Variants in CTNNA3 observed in about 807,000 individuals in gnomAD.
The protein encoded by CTNNA3 is catenin alpha-3.
In CTNNA3, 76 loss-of-function variants were observed where a neutral mutation model predicts 95.7. That is an observed-to-expected ratio of 0.79 (90% CI 0.66 to 0.96). The LOEUF (loss-of-function observed/expected upper bound fraction) is 0.96, where lower values mean the gene tolerates loss of function less well. Among genes scored for constraint, CTNNA3 ranks in the 40% least tolerant of loss-of-function variants. The pLI is 0.00. For missense variants in CTNNA3, 1,191 were observed against 1,089.8 expected, an observed-to-expected ratio of 1.09 and a Z score of -1.31; for synonymous variants, 431 against 374.4, an observed-to-expected ratio of 1.15 and a Z score of -1.74.
At chr10:67,601,781 T>C (rs1843091274) in intron 3 of CTNNA3, among the ~76,000 whole-genome samples, 2 of 152,180 alleles carry the variant, frequency 1.3e-5, no homozygotes, top group Admixed American at 1.3e-4. Flanking sequence ...TGAGTAACTA[T>C]AAGTATTACT....
intron 17 of CTNNA3, among the ~76,000 whole-genome samples, chr10:65,927,422 A>T (rs1625559): frequency 0.8 from 121,473 of 152,180 alleles, 48,694 homozygotes; most frequent in Middle Eastern, 0.87. Flanking sequence ...TCTATTTATG[A>T]CAACTGGTTT....
At chr10:66,949,946 GTCACT>G (rs1848452792) in intron 7 of CTNNA3, among the ~76,000 whole-genome samples, 1 of 152,144 alleles carries the variant, frequency 6.6e-6, no homozygotes, top group African/African-American at 2.4e-5. Context: ...TAGAAAACTT[GTCACT>G]TCACAGCTCA....
chr10:67,074,077 C>T (rs530602269), intron 7 of CTNNA3, among the ~76,000 whole-genome samples: 1,629 of 134,062 alleles, frequency 0.012, 39 homozygotes, highest in African/African-American at 0.043. Context: ...GGCTCTGTCT[C>T]CAGGCTGGAG....
intron 5 of CTNNA3, among the ~76,000 whole-genome samples, chr10:67,423,134 C>A (rs979027872): frequency 3.3e-5 from 5 of 152,080 alleles, no homozygotes; most frequent in African/African-American, 1.2e-4. Flanking sequence ...GGTAGACATC[C>A]GTTGTTTTAC....
At chr10:67,273,469 A>G (rs959275657) in intron 5 of CTNNA3, among the ~76,000 whole-genome samples, 2 of 152,170 alleles carry the variant, frequency 1.3e-5, no homozygotes, top group African/African-American at 2.4e-5. Context: ...ACTCTTATAC[A>G]TTAGTCAGTC....
At chr10:67,232,884 TA>T (rs1444174942) in intron 5 of CTNNA3, among the ~76,000 whole-genome samples, 1 of 151,896 alleles carries the variant, frequency 6.6e-6, no homozygotes, top group East Asian at 1.9e-4. Flanking sequence ...AAACAGACTT[TA>T]AACCAACAAA....
chr10:67,603,031 T>C (rs1843138308), intron 3 of CTNNA3, among the ~76,000 whole-genome samples: 1 of 152,214 alleles, frequency 6.6e-6, no homozygotes, highest in African/African-American at 2.4e-5. Flanking sequence ...CCTGCCACGC[T>C]CAATAAATTA....
chr10:66,114,189 AT>A lies in CTNNA3; in HGVS notation c.1885-10941del, dbSNP rs540811960. Among the ~76,000 whole-genome samples, 15 of 152,080 alleles carry A rather than the reference AT, an allele frequency of 9.9e-5. No homozygotes were observed. In the East Asian group the frequency reaches 1.5e-3, roughly 16 times the overall value. ...TAGCCAAATAAACTCTACATATGTG[AT>A]TTTTTTTATCTTATCCTTAGACTAG... On this transcript the variant is annotated intron_variant, in intron 13 of 17. Coordinates refer to ENST00000433211, the MANE Select transcript of CTNNA3 (RefSeq NM_013266.4).
chr10:67,217,198 CA>C (rs1864411015), intron 6 of CTNNA3, among the ~76,000 whole-genome samples: 1 of 152,122 alleles, frequency 6.6e-6, no homozygotes, highest in African/African-American at 2.4e-5. Flanking sequence ...TTTGCAGGAG[CA>C]AAATAGAGCA....
chr10:67,486,427 T>C (rs1848451858), intron 5 of CTNNA3, among the ~76,000 whole-genome samples: 1 of 152,168 alleles, frequency 6.6e-6, no homozygotes, highest in African/African-American at 2.4e-5. Flanking sequence ...CTACTTTTGC[T>C]TCACTGTGTC....
At chr10:67,353,742 A>C (rs762904961) in intron 5 of CTNNA3, among the ~76,000 whole-genome samples, 1 of 152,022 alleles carries the variant, frequency 6.6e-6, no homozygotes, top group African/African-American at 2.4e-5. Context: ...AGGACAGTGC[A>C]CAGAACTCAA....
chr10:66,927,340 T>C lies in CTNNA3; in HGVS notation c.1048-151816A>G, dbSNP rs1357276483. 6.2e-7 allele frequency: 1 copy of C among 1,614,214 alleles called. No homozygotes were observed. Among genetic ancestry groups the C allele is most frequent in the Non-Finnish European group, 8.5e-7 (1 of 1,180,034 alleles). Reference sequence around the variant, plus strand: ...AAATTTACGGAACTTGGATCTGTCCTATAATCAGCTGCATTCTCTGGGATC... The same window carrying C: ...AAATTTACGGAACTTGGATCTGTCCCATAATCAGCTGCATTCTCTGGGATC... On this transcript the variant is annotated intron_variant, in intron 7 of 17. Coordinates refer to ENST00000433211, the MANE Select transcript of CTNNA3 (RefSeq NM_013266.4). This position sits in a 1 kb window ranked among gnomAD's most constrained non-coding sequence, Gnocchi z 4.7.
chr10:65,936,447 C>T (rs2077340329), intron 17 of CTNNA3, among the ~76,000 whole-genome samples: 1 of 152,002 alleles, frequency 6.6e-6, no homozygotes, highest in Non-Finnish European at 1.5e-5. Flanking sequence ...CTTGAAGTCC[C>T]TATTACTCTC....
intron 13 of CTNNA3, among the ~76,000 whole-genome samples, chr10:66,206,204 G>A (rs565454521): frequency 5.9e-5 from 9 of 151,918 alleles, no homozygotes; most frequent in East Asian, 1.9e-4. Flanking sequence ...TAATTGTAGC[G>A]ATAACCTATA....
intron 11 of CTNNA3, among the ~76,000 whole-genome samples, chr10:66,512,419 T>G (rs10997209): frequency 0.18 from 28,102 of 151,966 alleles, 2,850 homozygotes; most frequent in African/African-American, 0.27. Context: ...TGTTAGTTGT[T>G]TTGTAATTGC....
intron 11 of CTNNA3, among the ~76,000 whole-genome samples, chr10:66,420,401 C>A (rs936587104): frequency 1.3e-5 from 2 of 152,024 alleles, no homozygotes; most frequent in Non-Finnish European, 2.9e-5. Flanking sequence ...CAGAGAGTGT[C>A]TATTATTAAA....
chr10:66,348,433 G>A (rs1027643576), intron 12 of CTNNA3, among the ~76,000 whole-genome samples: 12 of 151,952 alleles, frequency 7.9e-5, no homozygotes, highest in Non-Finnish European at 1.8e-4. Context: ...GCATAGTATG[G>A]TTGTGGGATT....
chr10:67,261,491 AG>A (rs762829970), intron 5 of CTNNA3, among the ~76,000 whole-genome samples: 3 of 152,200 alleles, frequency 2.0e-5, no homozygotes, highest in Non-Finnish European at 4.4e-5. Flanking sequence ...TAACAAATTA[AG>A]GCATCTTAAT....
chr10:66,468,840 AT>A (rs1158362131), intron 11 of CTNNA3, among the ~76,000 whole-genome samples: 2 of 151,838 alleles, frequency 1.3e-5, no homozygotes, highest in Admixed American at 6.6e-5. Flanking sequence ...ATTTTCTGGT[AT>A]TTTTTCAATA....
Sources: gnomAD v4.1 joint callset for allele counts (sites outside exome capture counted in the v4.1 genomes callset) on GRCh38, gnomAD v4.1.1 for gene constraint, Gnocchi (gnomAD v3.1) non-coding constraint, MANE v1.5 for transcripts, NCBI Gene and HGNC (gene_info 2026-07-23, HGNC 2026-07-21) for gene names.